KCNC1: variants seen among roughly 807,000 people sequenced by gnomAD.
KCNC1 encodes voltage-gated potassium channel KCNC1.
KCNC1 carries 8 observed loss-of-function variants against 43.4 expected under a neutral mutation model. The observed-to-expected ratio is 0.18, with a 90% confidence interval of 0.11 to 0.33. The LOEUF is 0.33. KCNC1 is among the 10% of genes least tolerant of loss of function. KCNC1 has a pLI of 1.00. For missense variants in KCNC1, 420 were observed against 836.0 expected, an observed-to-expected ratio of 0.50 and a Z score of 6.14; for synonymous variants, 361 against 360.5, an observed-to-expected ratio of 1.00 and a Z score of -0.01.
At chr11:17,763,907 C>A (rs1466487508) in intron 1 of KCNC1, among the ~76,000 whole-genome samples, 3 of 56,080 alleles carry the variant, frequency 5.3e-5, no homozygotes, top group African/African-American at 1.1e-4. Flanking sequence ...ACACAAACCC[C>A]ACACACCACA....
intron 1 of KCNC1, among the ~76,000 whole-genome samples, chr11:17,740,818 T>C (rs1848831447): frequency 6.6e-6 from 1 of 152,150 alleles, no homozygotes; most frequent in African/African-American, 2.4e-5. Flanking sequence ...TCACTGCCTC[T>C]TTGGAACTCG....
intron 1 of KCNC1, among the ~76,000 whole-genome samples, chr11:17,767,295 AAAAAAGAAAAG>A (rs1320291063): frequency 0.018 from 2,731 of 150,918 alleles, 67 homozygotes; most frequent in African/African-American, 0.062. Context: ...AAAAAAAAAA[AAAAAAGAAAAG>A]AAAAGAAAAG....
At chr11:17,743,082 G>A (rs1454867509) in intron 1 of KCNC1, among the ~76,000 whole-genome samples, 3 of 152,190 alleles carry the variant, frequency 2.0e-5, no homozygotes, top group Admixed American at 2.0e-4. Flanking sequence ...GTCAGACACT[G>A]TCTTAAGGAC....
chr11:17,738,184 A>G (rs2133776147), intron 1 of KCNC1, among the ~76,000 whole-genome samples: 1 of 152,190 alleles, frequency 6.6e-6, no homozygotes, highest in East Asian at 1.9e-4. Flanking sequence ...CTGGGACCCT[A>G]TCCTCCCCTG....
intron 1 of KCNC1, among the ~76,000 whole-genome samples, chr11:17,747,450 G>A (rs1482744001): frequency 6.6e-6 from 1 of 152,262 alleles, no homozygotes; most frequent in East Asian, 1.9e-4. Context: ...AAGTGTGCCA[G>A]TGTGGTAGGG....
At chr11:17,741,491 A>G (rs936354950) in intron 1 of KCNC1, among the ~76,000 whole-genome samples, 21 of 152,018 alleles carry the variant, frequency 1.4e-4, no homozygotes, top group African/African-American at 4.8e-4. Context: ...CATGTTCACC[A>G]TCCTGGCTCA....
chr11:17,751,579 C>T (rs2133788530), intron 1 of KCNC1, among the ~76,000 whole-genome samples: 1 of 152,272 alleles, frequency 6.6e-6, no homozygotes, highest in Admixed American at 6.5e-5. Flanking sequence ...GTGGGACTGC[C>T]AGATGCAGGA....
At position 17,743,933 on chromosome 11, in the gene KCNC1, T is replaced by C. The variant is rs183278258; in HGVS notation, c.570+7361T>C. 2.3e-3 allele frequency among the ~76,000 whole-genome samples: 344 copies of C among 152,166 alleles called. 3 individuals are homozygous for C. Among genetic ancestry groups the C allele is most frequent in the Admixed American group, 0.021 (316 of 15,288 alleles). On this transcript the variant is annotated intron_variant, in intron 1 of 3. Transcript: ENST00000265969. The stretch of plus-strand genomic sequence containing the variant: ...ATGCACTGGGCACTGAGTCATCCAG[T>C]TTGTGAGATGTGAGCTGGTGATGAG...
chr11:17,768,425 T>A (rs1849179143), intron 1 of KCNC1, among the ~76,000 whole-genome samples: 1 of 151,826 alleles, frequency 6.6e-6, no homozygotes, highest in Admixed American at 6.6e-5. Context: ...GGCCAGGACG[T>A]GGAGAGCCTC....
chr11:17,780,015 C>T (rs1389257428), intron 3 of KCNC1: 1 of 175,802 alleles, frequency 5.7e-6, no homozygotes, highest in Non-Finnish European at 1.2e-5. Context: ...GTGATCTCTC[C>T]TCTCCCCTGA....
chr11:17,751,067 A>G (rs10766429), intron 1 of KCNC1, among the ~76,000 whole-genome samples: 79,902 of 152,026 alleles, frequency 0.53, 23,219 homozygotes, highest in East Asian at 0.88. Flanking sequence ...TACCCCTCTT[A>G]TTGATGAGGG....
In KCNC1 at chr11:17,773,113, G is replaced by C; in HGVS notation, c.1504+515G>C. On this transcript the variant is annotated intron_variant, in intron 2 of 3. Coordinates refer to ENST00000265969, the MANE Select transcript of KCNC1 (RefSeq NM_001112741.2). The surrounding 1 kb of genome is among the most constrained non-coding windows in gnomAD (Gnocchi z 4.1). ...GGTCCCTTGCAAAGGCAGGTGCAAGGGTTCTCACCCCCGGCAGAGCCTGTC... is the reference window on the plus strand; with the variant it reads ...GGTCCCTTGCAAAGGCAGGTGCAAGCGTTCTCACCCCCGGCAGAGCCTGTC... 7 of 991,278 alleles carry C rather than the reference G, an allele frequency of 7.1e-6. No individual in the cohort carries two copies. Among genetic ancestry groups the C allele is most frequent in the Non-Finnish European group, 8.4e-6 (7 of 833,848 alleles). 61.4% of individuals were successfully genotyped at this position (991,278 alleles called of 1,614,324 possible). A position where few individuals can be genotyped will look rare whatever the true frequency, so the allele number is the denominator to read the frequency against.
chr11:17,741,355 T>G (rs1194614629), intron 1 of KCNC1, among the ~76,000 whole-genome samples: 1 of 152,092 alleles, frequency 6.6e-6, no homozygotes, highest in Non-Finnish European at 1.5e-5. Flanking sequence ...AGGTAATGCT[T>G]GGACAGCCCC....
Position 17,776,520 on chromosome 11 carries a change from A to G in KCNC1, c.1505-2936A>G. ...CCCAGCCTCGGGTTCTCCTTGCTCCAAAGTTTAAAAAAAAATGACCCTCTC... is the reference window on the plus strand; with the variant it reads ...CCCAGCCTCGGGTTCTCCTTGCTCCGAAGTTTAAAAAAAAATGACCCTCTC... On this transcript the variant is annotated intron_variant, in intron 2 of 3. Coordinates refer to ENST00000265969, the MANE Select transcript of KCNC1 (RefSeq NM_001112741.2). This position sits in a 1 kb window ranked among gnomAD's most constrained non-coding sequence, Gnocchi z 4.4. 2.0e-6 allele frequency: 2 copies of G among 985,392 alleles called. No homozygotes were observed. The highest frequency in any genetic ancestry group is 1.1e-4 in the East Asian group (1 of 8,786). The allele number at this position is 985,392 out of a possible 1,614,324, so 61.0% of individuals were successfully genotyped here. A position where few individuals can be genotyped will look rare whatever the true frequency, so the allele number is the denominator to read the frequency against.
intron 1 of KCNC1, among the ~76,000 whole-genome samples, chr11:17,764,350 C>T (rs1344881437): frequency 6.6e-6 from 1 of 151,772 alleles, no homozygotes; most frequent in Non-Finnish European, 1.5e-5. Flanking sequence ...ATGTGTTCCC[C>T]ACACACCCCA....
In KCNC1 at chr11:17,771,380, G is replaced by C. The variant is rs568404736; in HGVS notation, c.571-285G>C. On this transcript the variant is annotated intron_variant, in intron 1 of 3. Coordinates refer to ENST00000265969, the MANE Select transcript of KCNC1 (RefSeq NM_001112741.2). This position sits in a 1 kb window ranked among gnomAD's most constrained non-coding sequence, Gnocchi z 4.7. Reference sequence around the variant, plus strand: ...ATGTGGCTGATGTCTTTCTTTTCAGGGACCCAGGCTCCTTCCCTCTGTAGT... The same window carrying C: ...ATGTGGCTGATGTCTTTCTTTTCAGCGACCCAGGCTCCTTCCCTCTGTAGT... 5.3e-5 allele frequency among the ~76,000 whole-genome samples: 8 copies of C among 152,326 alleles called. No individual in the cohort carries two copies. Among genetic ancestry groups the C allele is most frequent in the Admixed American group, 5.2e-4 (8 of 15,306 alleles).
chr11:17,773,791 C>G lies in KCNC1; in HGVS notation c.1504+1193C>G, dbSNP rs1849256963. 1.0e-6 allele frequency: 1 copy of G among 985,372 alleles called. No homozygotes were observed. The highest frequency in any genetic ancestry group is 4.7e-5 in the South Asian group (1 of 21,288). The allele number at this position is 985,372 out of a possible 1,614,324, so 61.0% of individuals were successfully genotyped here. A position where few individuals can be genotyped will look rare whatever the true frequency, so the allele number is the denominator to read the frequency against. On this transcript the variant is annotated intron_variant, in intron 2 of 3. Transcript: ENST00000265969. This position sits in a 1 kb window ranked among gnomAD's most constrained non-coding sequence, Gnocchi z 4.1. ...CAGGGATTTCAAAGGAACAGATGACCCAGAGAAGAATGACAGCACTGAGTA... is the reference window on the plus strand; with the variant it reads ...CAGGGATTTCAAAGGAACAGATGACGCAGAGAAGAATGACAGCACTGAGTA...
chr11:17,770,785 C>T (rs1849217029), intron 1 of KCNC1, among the ~76,000 whole-genome samples: 1 of 152,092 alleles, frequency 6.6e-6, no homozygotes, highest in Non-Finnish European at 1.5e-5. Context: ...AAGCCCCAGG[C>T]CTCCAGCAGC....
rs1218389740 is a variant in KCNC1 at position 17,776,267 on chromosome 11, T to G, written c.1505-3189T>G. 4 of 985,302 alleles carry G rather than the reference T, an allele frequency of 4.1e-6. No individual in the cohort carries two copies. Among genetic ancestry groups the G allele is most frequent in the Non-Finnish European group, 4.8e-6 (4 of 829,970 alleles). The allele number at this position is 985,302 out of a possible 1,614,324, so 61.0% of individuals were successfully genotyped here. A position where few individuals can be genotyped will look rare whatever the true frequency, so the allele number is the denominator to read the frequency against. On this transcript the variant is annotated intron_variant, in intron 2 of 3. Coordinates refer to ENST00000265969, the MANE Select transcript of KCNC1 (RefSeq NM_001112741.2). This position sits in a 1 kb window ranked among gnomAD's most constrained non-coding sequence, Gnocchi z 4.4. ...GCATGACTTGTGCCGGTTCTCGTGA[T>G]TGTTCCCTGCTCGTGTCTCACAGAC...
Sources: gnomAD v4.1 joint callset for allele counts (sites outside exome capture counted in the v4.1 genomes callset) on GRCh38, gnomAD v4.1.1 for gene constraint, Gnocchi (gnomAD v3.1) non-coding constraint, MANE v1.5 for transcripts, NCBI Gene and HGNC (gene_info 2026-07-23, HGNC 2026-07-21) for gene names.